The following PPARG variants were observed in gnomAD, a reference collection of about 807,000 sequenced individuals.
PPARG encodes peroxisome proliferator activated receptor gamma.
Under a neutral mutation model 39.2 loss-of-function variants are expected in PPARG, and 17 were observed. The ratio of observed to expected loss-of-function variants is 0.43; its 90% CI spans 0.30 to 0.65. The LOEUF is 0.65. PPARG is among the 30% of genes least tolerant of loss of function. The pLI is 0.13. For synonymous variants in PPARG, 223 were observed against 215.7 expected (o/e 1.03, Z -0.30); for missense variants, 406 against 585.9 (o/e 0.69, Z 3.17).
At chr3:12,385,533 T>C (rs886513706) in intron 4 of PPARG, among the ~76,000 whole-genome samples, 28 of 152,320 alleles carry the variant, frequency 1.8e-4, no homozygotes, top group African/African-American at 6.3e-4. Flanking sequence ...ATTTGTTGTT[T>C]ACATGTTGGA....
intron 2 of PPARG, among the ~76,000 whole-genome samples, chr3:12,350,080 C>T (rs911139973): frequency 2.0e-5 from 3 of 152,222 alleles, no homozygotes; most frequent in Admixed American, 6.5e-5. Flanking sequence ...AGTATTGTGC[C>T]ATCGTGTCTG....
At chr3:12,428,364 G>T (rs562616247) in intron 7 of PPARG, among the ~76,000 whole-genome samples, 1 of 152,156 alleles carries the variant, frequency 6.6e-6, no homozygotes, top group South Asian at 2.1e-4. Context: ...CAGCCTCCTC[G>T]AGTGCTAAGT....
chr3:12,414,717 G>A (rs1293970084), intron 6 of PPARG, among the ~76,000 whole-genome samples: 1 of 151,900 alleles, frequency 6.6e-6, no homozygotes, highest in East Asian at 1.9e-4. Context: ...AAAGAAAAAG[G>A]AAAGAAACCA....
chr3:12,389,422 C>T (rs749235431), intron 4 of PPARG, among the ~76,000 whole-genome samples: 2 of 152,052 alleles, frequency 1.3e-5, no homozygotes, highest in African/African-American at 4.8e-5. Context: ...AAACACACTG[C>T]GGTTAAACTG....
intron 5 of PPARG, among the ~76,000 whole-genome samples, chr3:12,403,414 A>G (rs1028696251): frequency 1.1e-4 from 17 of 151,996 alleles, no homozygotes; most frequent in African/African-American, 4.1e-4. Flanking sequence ...TAGTGGCTCT[A>G]TCACGACTCA....
Position 12,417,114 on chromosome 3 carries a change from C to T in PPARG, c.1140C>T (p.Ser380=), listed in dbSNP as rs148844673. 2.3e-5 allele frequency: 37 copies of T among 1,614,014 alleles called. No individual in the cohort carries two copies. Among genetic ancestry groups the T allele is most frequent in the South Asian group, 2.0e-4 (18 of 91,074 alleles). Residue 380 remains serine, a synonymous_variant, in exon 7 of 8, where the codon AGC becomes AGT. Coordinates refer to ENST00000651735, the MANE Select transcript of PPARG (RefSeq NM_138711.6). ...VKFNALELDD[S]DLAIFIAVII... ...TCAATGCACTGGAATTAGATGACAG[C>T]GACTTGGCAATATTTATTGCTGTCA...
chr3:12,364,652 C>T (rs2048957502), intron 2 of PPARG, among the ~76,000 whole-genome samples: 1 of 152,148 alleles, frequency 6.6e-6, no homozygotes, highest in African/African-American at 2.4e-5. Context: ...GTGGCTGTAC[C>T]ATTCATCAGC....
chr3:12,322,811 TG>T (rs1238537443), intron 2 of PPARG, among the ~76,000 whole-genome samples: 1 of 152,146 alleles, frequency 6.6e-6, no homozygotes, highest in South Asian at 2.1e-4. Flanking sequence ...TTTGTTTGTT[TG>T]TTTTTTTCAG....
At chr3:12,415,961 AG>A (rs2051041796) in intron 6 of PPARG, among the ~76,000 whole-genome samples, 1 of 152,230 alleles carries the variant, frequency 6.6e-6, no homozygotes, top group Non-Finnish European at 1.5e-5. Flanking sequence ...TTAAACCTGT[AG>A]TTACTTTATG....
intron 2 of PPARG, among the ~76,000 whole-genome samples, chr3:12,326,048 C>T (rs1313203059): frequency 6.6e-6 from 1 of 152,002 alleles, no homozygotes; most frequent in African/African-American, 2.4e-5. Flanking sequence ...AAAAAGAAAA[C>T]CACAAGAAGT....
intron 1 of PPARG, among the ~76,000 whole-genome samples, chr3:12,308,456 G>C (rs1378021853): frequency 6.6e-6 from 1 of 151,466 alleles, no homozygotes; most frequent in Non-Finnish European, 1.5e-5. Flanking sequence ...CAGAGGCAGA[G>C]ACCGTGGTGT....
At chr3:12,294,140 TA>T (rs1400889096) in intron 1 of PPARG, among the ~76,000 whole-genome samples, 1 of 152,010 alleles carries the variant, frequency 6.6e-6, no homozygotes, top group Non-Finnish European at 1.5e-5. Context: ...GAGGGAAAAA[TA>T]AAGTTAATGC....
At chr3:12,370,466 A>C (rs928233822) in intron 2 of PPARG, among the ~76,000 whole-genome samples, 3 of 152,182 alleles carry the variant, frequency 2.0e-5, no homozygotes, top group Non-Finnish European at 1.5e-5. Flanking sequence ...CTGAGGAACA[A>C]CTCAGGAATA....
upstream of PPARG, chr3:12,287,879 C>G (rs1483421730): frequency 1.1e-4 from 16 of 141,404 alleles, no homozygotes; most frequent in African/African-American, 3.8e-4. Context: ...GCGCCGGGCC[C>G]GGCTCGGCCC....
At chr3:12,324,809 C>T (rs2047646025) in intron 2 of PPARG, among the ~76,000 whole-genome samples, 2 of 152,042 alleles carry the variant, frequency 1.3e-5, no homozygotes, top group East Asian at 3.8e-4. Flanking sequence ...ATTCCTTTTT[C>T]CTCTTATTAA....
At chr3:12,338,110 A>G (rs1235169504) in intron 2 of PPARG, among the ~76,000 whole-genome samples, 1 of 152,204 alleles carries the variant, frequency 6.6e-6, no homozygotes, top group Admixed American at 6.5e-5. Flanking sequence ...ATCCTAAACT[A>G]AAGGTTTGGA....
At chr3:12,417,238 A>T (rs1423483788) in intron 7 of PPARG, 84 bp downstream of exon 7, 10 of 1,348,968 alleles carry the variant, frequency 7.4e-6, no homozygotes, top group Non-Finnish European at 1.0e-5. Flanking sequence ...CCTTAGTGTT[A>T]GTCTGCATTG....
At chr3:12,317,437 C>T (rs952969741) in intron 2 of PPARG, among the ~76,000 whole-genome samples, 3 of 152,078 alleles carry the variant, frequency 2.0e-5, no homozygotes, top group Non-Finnish European at 4.4e-5. Context: ...TGACAGTTAC[C>T]GTATATACAT....
In PPARG at chr3:12,366,761, G is replaced by A. The variant is rs189991817; in HGVS notation, c.-8-12943G>A. 1.5e-4 allele frequency among the ~76,000 whole-genome samples: 23 copies of A among 152,260 alleles called. No homozygotes were observed. The East Asian group carries it at 1.7e-3, about 11-fold the overall frequency. ...TAGCTAAATCTCACTTGGCCATGGT[G>A]TATAATTCTTTTCATACATTATCGG... On this transcript the variant is annotated intron_variant, in intron 2 of 7. Transcript: ENST00000651735.
Sources: allele counts gnomAD v4.1 joint callset (sites outside exome capture counted in the v4.1 genomes callset), GRCh38; gene constraint gnomAD v4.1.1; transcripts MANE v1.5; gene names NCBI Gene and HGNC (gene_info 2026-07-23, HGNC 2026-07-21).